SPOCK3: variants seen among roughly 807,000 people sequenced by gnomAD.
The protein encoded by SPOCK3 is testican-3.
In SPOCK3, 30 loss-of-function variants were observed where a neutral mutation model predicts 56.6. The observed-to-expected ratio is 0.53, with a 90% CI of 0.40 to 0.72. SPOCK3 has a LOEUF of 0.72. Among genes scored for constraint, SPOCK3 ranks in the 30% least tolerant of loss-of-function variants. The probability of loss-of-function intolerance (pLI) is 0.00; values close to 1 mark genes in which losing one functional copy is unlikely to be tolerated. For missense variants in SPOCK3, 527 were observed against 530.0 expected, an observed-to-expected ratio of 0.99 and a Z score of 0.06; for synonymous variants, 196 against 183.3, an observed-to-expected ratio of 1.07 and a Z score of -0.56.
At chr4:166,750,293 C>T (rs1040750521) in intron 8 of SPOCK3, among the ~76,000 whole-genome samples, 2 of 151,998 alleles carry the variant, frequency 1.3e-5, no homozygotes, top group Non-Finnish European at 2.9e-5. Flanking sequence ...AGAATAGTAA[C>T]CTAACTAATT....
chr4:166,939,585 G>T (rs62355379), intron 4 of SPOCK3, among the ~76,000 whole-genome samples: 83,051 of 151,918 alleles, frequency 0.55, 25,320 homozygotes, highest in East Asian at 0.79. Flanking sequence ...TGCAGGAAGA[G>T]AAGTTATTTG....
intron 6 of SPOCK3, among the ~76,000 whole-genome samples, chr4:166,873,555 C>T (rs1732727902): frequency 6.6e-6 from 1 of 152,104 alleles, no homozygotes; most frequent in African/African-American, 2.4e-5. Context: ...TTGTTGTGAA[C>T]ATAAACTGCG....
At chr4:167,122,011 T>A (rs72621916) in intron 2 of SPOCK3, among the ~76,000 whole-genome samples, 17,464 of 152,044 alleles carry the variant, frequency 0.11, 1,219 homozygotes, top group South Asian at 0.16. Flanking sequence ...TTCAAGTTTT[T>A]CATTAATAAC....
At chr4:167,149,419 C>T (rs1255082940) in intron 2 of SPOCK3, among the ~76,000 whole-genome samples, 2 of 151,954 alleles carry the variant, frequency 1.3e-5, no homozygotes, top group Admixed American at 1.3e-4. Context: ...ATTAAAGATT[C>T]CTGTGAAGTC....
intron 2 of SPOCK3, among the ~76,000 whole-genome samples, chr4:167,207,170 A>G (rs769417921): frequency 2.0e-5 from 3 of 152,100 alleles, no homozygotes; most frequent in Non-Finnish European, 4.4e-5. Context: ...AAATAAAATT[A>G]CCTGAGAATG....
At chr4:166,847,020 T>TG (rs1055987114) in intron 6 of SPOCK3, among the ~76,000 whole-genome samples, 18 of 152,190 alleles carry the variant, frequency 1.2e-4, no homozygotes, top group African/African-American at 4.1e-4. Context: ...AAAAGTAAAA[T>TG]GCTACCCTGT....
At chr4:167,190,204 G>A (rs890596056) in intron 2 of SPOCK3, among the ~76,000 whole-genome samples, 1 of 145,708 alleles carries the variant, frequency 6.9e-6, no homozygotes, top group African/African-American at 2.6e-5. Flanking sequence ...TATACTACTT[G>A]CCATGATGGC....
At chr4:166,875,167 A>G (rs1483954116) in intron 6 of SPOCK3, among the ~76,000 whole-genome samples, 1 of 152,134 alleles carries the variant, frequency 6.6e-6, no homozygotes, top group African/African-American at 2.4e-5. Flanking sequence ...GATAATCAGT[A>G]TCACTTTTCT....
chr4:167,078,950 A>G (rs1392105706), intron 2 of SPOCK3, among the ~76,000 whole-genome samples: 4 of 151,876 alleles, frequency 2.6e-5, no homozygotes, highest in Non-Finnish European at 5.9e-5. Flanking sequence ...ATACAGTTCT[A>G]TATAATTTTT....
intron 2 of SPOCK3, among the ~76,000 whole-genome samples, chr4:167,215,379 C>T (rs377332635): frequency 2.0e-4 from 30 of 151,974 alleles, no homozygotes; most frequent in African/African-American, 7.3e-4. Flanking sequence ...GCTGACACCG[C>T]CTTTCAAAAA....
chr4:167,062,224 T>C (rs1428497921), intron 3 of SPOCK3, among the ~76,000 whole-genome samples: 1 of 151,836 alleles, frequency 6.6e-6, no homozygotes, highest in East Asian at 1.9e-4. Flanking sequence ...CTGATAAAAA[T>C]AAACCTGGTA....
intron 2 of SPOCK3, among the ~76,000 whole-genome samples, chr4:167,116,695 A>AC (rs1761415756): frequency 1.1e-5 from 1 of 92,554 alleles, no homozygotes; most frequent in Non-Finnish European, 2.0e-5. Context: ...ACACACATAT[A>AC]GTATATATAC....
chr4:167,034,991 T>A (rs1005649168), intron 3 of SPOCK3, among the ~76,000 whole-genome samples: 14 of 152,146 alleles, frequency 9.2e-5, no homozygotes, highest in African/African-American at 3.4e-4. Flanking sequence ...ATCTACTCAT[T>A]GATAAAACAT....
At chr4:167,142,084 T>C (rs1210862008) in intron 2 of SPOCK3, among the ~76,000 whole-genome samples, 2 of 152,014 alleles carry the variant, frequency 1.3e-5, no homozygotes, top group Non-Finnish European at 2.9e-5. Flanking sequence ...TATACTTTAT[T>C]GACACATCAA....
At chr4:166,954,006 G>A (rs975335700) in intron 4 of SPOCK3, among the ~76,000 whole-genome samples, 2 of 152,112 alleles carry the variant, frequency 1.3e-5, no homozygotes, top group Non-Finnish European at 2.9e-5. Context: ...AGTGGGTGCA[G>A]TGCACTAGCA....
At chr4:167,203,759 G>T (rs1206996804) in intron 2 of SPOCK3, among the ~76,000 whole-genome samples, 1 of 150,642 alleles carries the variant, frequency 6.6e-6, no homozygotes, top group Non-Finnish European at 1.5e-5. Context: ...AATTCCCTGA[G>T]AAATGAAATA....
chr4:167,065,037 C>CAAAAAGAAAAAAAAAAAA (rs1755978056), intron 2 of SPOCK3, among the ~76,000 whole-genome samples: 1 of 64,050 alleles, frequency 1.6e-5, no homozygotes, highest in Non-Finnish European at 2.7e-5. Context: ...ATGCCCTCTC[C>CAAAAAGAAAAAAAAAAAA]AAAAAAAAAA....
chr4:166,852,241 T>C (rs1730200602), intron 6 of SPOCK3, among the ~76,000 whole-genome samples: 5 of 152,050 alleles, frequency 3.3e-5, no homozygotes, highest in Non-Finnish European at 7.3e-5. Context: ...GGCACATGTA[T>C]ACATATGTAA....
At chr4:167,164,007 A>G (rs1163944432) in intron 2 of SPOCK3, among the ~76,000 whole-genome samples, 6 of 152,106 alleles carry the variant, frequency 3.9e-5, no homozygotes, top group African/African-American at 1.4e-4. Context: ...TGGAAATTTT[A>G]TTTGAGGACC....
Sources: gnomAD v4.1 joint callset for allele counts (sites outside exome capture counted in the v4.1 genomes callset) on GRCh38, gnomAD v4.1.1 for gene constraint, MANE v1.5 for transcripts, NCBI Gene and HGNC (gene_info 2026-07-23, HGNC 2026-07-21) for gene names.